The following RBM25 variants were observed in gnomAD, a reference collection of about 807,000 sequenced individuals.
The protein encoded by RBM25 is RNA-binding protein 25.
RBM25 carries 19 observed loss-of-function variants against 120.7 expected under a neutral mutation model. The observed-to-expected ratio is 0.16, with a 90% CI of 0.11 to 0.23. RBM25 has a LOEUF of 0.23. Among genes scored for constraint, RBM25 ranks in the 10% least tolerant of loss-of-function variants. The pLI, the probability that RBM25 is intolerant of heterozygous loss-of-function variation, is 1.00. For synonymous variants in RBM25, 390 were observed against 326.7 expected (o/e 1.19, Z -2.09); for missense variants, 605 against 1,041.5 (o/e 0.58, Z 5.77).
At chr14:73,073,852 A>G (rs2140429051) in intron 2 of RBM25, among the ~76,000 whole-genome samples, 1 of 152,362 alleles carries the variant, frequency 6.6e-6, no homozygotes, top group African/African-American at 2.4e-5. Context: ...CTGCCAGAAG[A>G]GTAATGTAAA....
chr14:73,083,446 T>A, intron 4 of RBM25, 48 bp from the exon 5 acceptor site: 1 of 1,413,708 alleles, frequency 7.1e-7, no homozygotes, highest in South Asian at 1.4e-5. Context: ...ACATTAAAAA[T>A]TATTTTGTTA....
chr14:73,112,842 C>T (rs1382868527), intron 17 of RBM25, among the ~76,000 whole-genome samples: 2 of 151,496 alleles, frequency 1.3e-5, no homozygotes, highest in Non-Finnish European at 2.9e-5. Flanking sequence ...TTTGCTTTGT[C>T]CTACAGGCTG....
intron 4 of RBM25, 53 bp downstream of exon 4, chr14:73,077,589 C>G: frequency 7.0e-7 from 1 of 1,425,792 alleles, no homozygotes; most frequent in South Asian, 1.5e-5. Context: ...TTCTACATTT[C>G]AAACTTAAGC....
intron 4 of RBM25, among the ~76,000 whole-genome samples, chr14:73,081,707 A>G (rs957454808): frequency 6.6e-6 from 1 of 152,200 alleles, no homozygotes; most frequent in Non-Finnish European, 1.5e-5. Context: ...TCATGTGGTC[A>G]GTAGTTTACC....
chr14:73,103,344 ACGGGAG>A lies in RBM25; in HGVS notation c.1026_1031del (p.Glu346_Arg347del). 1 of 1,597,206 alleles carries A rather than the reference ACGGGAG, an allele frequency of 6.3e-7. No homozygotes were observed. The highest frequency in any genetic ancestry group is 8.5e-7 in the Non-Finnish European group (1 of 1,170,906). ...AACGTGAACGAGAAAAGGAGAAAGAACGGGAGCGGGAACGAGAACGGGATAGGGACC... is the reference window on the plus strand; with the variant it reads ...AACGTGAACGAGAAAAGGAGAAAGAACGGGAACGAGAACGGGATAGGGACC... On this transcript the variant is annotated inframe_deletion, in exon 10 of 19. Transcript: ENST00000261973.
chr14:73,063,370 C>A (rs1566579133), intron 1 of RBM25, among the ~76,000 whole-genome samples: 1 of 151,018 alleles, frequency 6.6e-6, no homozygotes, highest in Non-Finnish European at 1.5e-5. Context: ...AGGATGGTCT[C>A]GATCTCCTGA....
chr14:73,107,562 G>C (rs1175994818), intron 12 of RBM25: 3 of 337,990 alleles, frequency 8.9e-6, no homozygotes, highest in Non-Finnish European at 1.6e-5. Flanking sequence ...TCCCAGGCTA[G>C]CCCAACAAGT....
In RBM25 at chr14:73,096,924, C is replaced by G. The variant is rs1338256210; in HGVS notation, c.553C>G (p.Pro185Ala). The G allele has an allele frequency of 1.2e-6, 2 of 1,611,382 alleles. No homozygotes were observed. The highest frequency in any genetic ancestry group is 3.4e-5 in the Admixed American group (2 of 59,456). ...KKKASNGNAR[P>A]ETVTNDDEEA... The stretch of plus-strand genomic sequence containing the variant: ...TGCTGTTTTGTTTAAGAATGCAAGG[C>G]CAGAAACTGTCACTAATGACGATGA... The change falls in exon 7 of 19, where the codon CCA becomes GCA. Residue 185 changes from proline to alanine, a missense_variant. Physicochemically the swap from Pro to Ala is conservative, Grantham distance 27. This residue lies in a region of RBM25 where 465 missense variants were observed against 741.6 expected (regional missense o/e 0.63). Coordinates refer to ENST00000261973, the MANE Select transcript of RBM25 (RefSeq NM_021239.3).
chr14:73,110,735 C>T, intron 14 of RBM25, 96 bp from the exon 15 acceptor site: 1 of 1,454,518 alleles, frequency 6.9e-7, no homozygotes. Flanking sequence ...GGCCTTTTCT[C>T]TTTTCATAAA....
At chr14:73,066,576 G>A (rs531827223) in intron 1 of RBM25, among the ~76,000 whole-genome samples, 41 of 149,830 alleles carry the variant, frequency 2.7e-4, no homozygotes, top group Middle Eastern at 6.9e-3. Flanking sequence ...GCTTGAACCC[G>A]ACAGGCGGAG....
intron 1 of RBM25, among the ~76,000 whole-genome samples, chr14:73,069,003 A>G (rs1369640371): frequency 6.6e-6 from 1 of 152,124 alleles, no homozygotes; most frequent in Non-Finnish European, 1.5e-5. Flanking sequence ...CCCTGGGTTC[A>G]AGTGATTCTC....
At chr14:73,103,948 T>TCTCTCTCTCTCTCTCACACACA (rs1594928335) in intron 10 of RBM25, among the ~76,000 whole-genome samples, 1 of 91,344 alleles carries the variant, frequency 1.1e-5, no homozygotes, top group Non-Finnish European at 2.4e-5. Flanking sequence ...TCTCTCTCTC[T>TCTCTCTCTCTCTCTCACACACA]CACACACACA....
At chr14:73,071,792 G>A in intron 2 of RBM25, 45 bp downstream of exon 2, 1 of 1,456,510 alleles carries the variant, frequency 6.9e-7, no homozygotes. Context: ...TTGTACTTTT[G>A]TCTTTGTGAT....
chr14:73,088,568 A>G, intron 6 of RBM25: 1 of 358,692 alleles, frequency 2.8e-6, no homozygotes, highest in South Asian at 2.1e-5. Flanking sequence ...AAGTCTGATT[A>G]CTTGCCTTAG....
At position 73,107,842 on chromosome 14, in the gene RBM25, G is replaced by C; in HGVS notation, c.1484G>C (p.Arg495Pro). The C allele has an allele frequency of 6.3e-7, 1 of 1,598,850 alleles. No individual in the cohort carries two copies. Among genetic ancestry groups the C allele is most frequent in the South Asian group, 1.1e-5 (1 of 89,684 alleles). ...RRREMAKEAK[R>P]LKEFLEDYDD... ...TCCTCAAAGGCCAAAGAAGCTAAACGACTAAAAGAATTCTTAGAAGACTAT... is the reference window on the plus strand; with the variant it reads ...TCCTCAAAGGCCAAAGAAGCTAAACCACTAAAAGAATTCTTAGAAGACTAT... The change falls in exon 13 of 19, where the codon CGA (arginine) becomes CCA (proline). Residue 495 changes from arginine to proline, a missense_variant. Physicochemically the swap from Arg to Pro is moderately radical, Grantham distance 103 (BLOSUM62 -2). Around this residue, in one of 4 missense-constraint regions of RBM25, gnomAD observed 465 missense variants for 741.6 expected, o/e 0.63. Coordinates refer to ENST00000261973, the MANE Select transcript of RBM25 (RefSeq NM_021239.3).
intron 18 of RBM25, among the ~76,000 whole-genome samples, chr14:73,115,152 A>AGGGGTGTGTG (rs1896398450): frequency 3.8e-5 from 4 of 104,308 alleles, no homozygotes; most frequent in African/African-American, 1.9e-4. Context: ...AGGAACTGAT[A>AGGGGTGTGTG]CGTGTGTGTG....
At chr14:73,078,848 C>T (rs903772069) in intron 4 of RBM25, among the ~76,000 whole-genome samples, 1 of 152,164 alleles carries the variant, frequency 6.6e-6, no homozygotes, top group African/African-American at 2.4e-5. Context: ...AAGCAAACCG[C>T]CTGCGTTGGC....
At chr14:73,063,721 T>C (rs974949564) in intron 1 of RBM25, among the ~76,000 whole-genome samples, 2 of 151,372 alleles carry the variant, frequency 1.3e-5, no homozygotes, top group African/African-American at 4.8e-5. Flanking sequence ...ATATGGATTA[T>C]TGTACCAGTC....
chr14:73,108,614 C>T (rs1175143516), intron 13 of RBM25, among the ~76,000 whole-genome samples: 1 of 152,120 alleles, frequency 6.6e-6, no homozygotes, highest in Non-Finnish European at 1.5e-5. Flanking sequence ...TGTAAGTTCC[C>T]TGGGGATGTA....
Sources: allele counts gnomAD v4.1 joint callset (sites outside exome capture counted in the v4.1 genomes callset), GRCh38; gene constraint gnomAD v4.1.1; regional missense constraint gnomAD v4.1.1; transcripts MANE v1.5; gene names NCBI Gene and HGNC (gene_info 2026-07-23, HGNC 2026-07-21).